Variants in COA1 observed in about 807,000 individuals in gnomAD.
The protein encoded by COA1 is cytochrome c oxidase assembly factor 1, also known as cytochrome c oxidase assembly factor 1 homolog.
In COA1, 13 loss-of-function variants were observed where a neutral mutation model predicts 16.0. That is an observed-to-expected ratio of 0.81 (90% CI 0.53 to 1.29). COA1 has a LOEUF of 1.29. Among genes scored for constraint, COA1 ranks in the 50% most tolerant of loss-of-function variants. The probability of loss-of-function intolerance (pLI) is 0.00; values close to 1 mark genes in which losing one functional copy is unlikely to be tolerated. For synonymous variants in COA1, 65 were observed against 65.7 expected (o/e 0.99, Z 0.05); for missense variants, 179 against 177.0 (o/e 1.01, Z -0.06).
At chr7:43,627,697 G>C (rs1415951966) in intron 6 of COA1, among the ~76,000 whole-genome samples, 5 of 152,158 alleles carry the variant, frequency 3.3e-5, no homozygotes, top group African/African-American at 1.2e-4. Flanking sequence ...TGAACACCTT[G>C]ATCTTAACCT....
intron 6 of COA1, among the ~76,000 whole-genome samples, chr7:43,619,288 TAGG>T (rs1314780192): frequency 1.3e-5 from 2 of 152,104 alleles, no homozygotes; most frequent in Non-Finnish European, 2.9e-5. Flanking sequence ...GAGGGAATAG[TAGG>T]AGCAAGCGTG....
intron 1 of COA1, among the ~76,000 whole-genome samples, chr7:43,716,594 T>A (rs1445272022): frequency 3.3e-5 from 5 of 152,074 alleles, no homozygotes; most frequent in African/African-American, 9.7e-5. Context: ...GTTCAGAAAA[T>A]TTACAGCCTG....
intron 1 of COA1, among the ~76,000 whole-genome samples, chr7:43,676,639 A>G (rs1267766310): frequency 6.6e-6 from 1 of 152,198 alleles, no homozygotes; most frequent in Non-Finnish European, 1.5e-5. Context: ...ATATAGTTTC[A>G]AACAGCAAAA....
Position 43,616,149 on chromosome 7 carries a change from G to T in COA1, c.*134-6654C>A, listed in dbSNP as rs2083321669. 5.3e-5 allele frequency among the ~76,000 whole-genome samples: 8 copies of T among 152,122 alleles called. 1 individual carries two copies. The South Asian group carries it at 1.7e-3, about 32-fold the overall frequency. On this transcript the variant is annotated intron_variant and NMD_transcript_variant, in intron 6 of 6. Coordinates refer to the COA1 transcript ENST00000415076. ...TGAGGAAATCTTTTTACCCTTCAGG[G>T]TCTGCTCACATATCTCCTCTGTAAT...
chr7:43,657,348 C>T (rs981842361), intron 1 of COA1: 6 of 152,236 alleles, frequency 3.9e-5, no homozygotes, highest in Admixed American at 2.0e-4. Flanking sequence ...GTGGAACTAT[C>T]TTCTCATACT....
chr7:43,658,032 A>T (rs1024934643), intron 1 of COA1, among the ~76,000 whole-genome samples: 7 of 152,078 alleles, frequency 4.6e-5, no homozygotes, highest in African/African-American at 1.4e-4. Context: ...GTCAAAAAAT[A>T]AAAATTAAAA....
chr7:43,664,175 C>T (rs1284809095), intron 1 of COA1, among the ~76,000 whole-genome samples: 1 of 145,152 alleles, frequency 6.9e-6, no homozygotes, highest in Non-Finnish European at 1.5e-5. Flanking sequence ...CTATTAACTG[C>T]TGTGATCATG....
intron 1 of COA1, among the ~76,000 whole-genome samples, chr7:43,704,842 AGCT>A (rs1465985976): frequency 2.6e-5 from 4 of 152,054 alleles, no homozygotes; most frequent in Non-Finnish European, 5.9e-5. Context: ...ATTGCTGGGG[AGCT>A]AGTGCAGTCG....
In COA1 at chr7:43,719,717, GACCCACATATTTC is replaced by G. The variant is rs372025818; in HGVS notation, c.-39+9699_-39+9711del. The stretch of plus-strand genomic sequence containing the variant: ...CCTGACTACTATGAAAATGTCCCCT[GACCCACATATTTC>G]AATATAGTATTAAGCCTTGTTTTCA... On this transcript the variant is annotated intron_variant, in intron 1 of 5. Coordinates refer to ENST00000223336, the MANE Select transcript of COA1 (RefSeq NM_018224.4). Among the ~76,000 whole-genome samples the G allele has an allele frequency of 2.7e-3, 414 of 152,264 alleles. 1 individual carries two copies. Among genetic ancestry groups the G allele is most frequent in the African/African-American group, 9.5e-3 (396 of 41,560 alleles).
intron 1 of COA1, among the ~76,000 whole-genome samples, chr7:43,661,307 T>C (rs1233038389): frequency 6.6e-6 from 1 of 152,124 alleles, no homozygotes; most frequent in African/African-American, 2.4e-5. Flanking sequence ...TGTTACTAGA[T>C]TTGTGGTAGG....
chr7:43,627,655 TTCTA>T (rs1424451814), intron 6 of COA1, among the ~76,000 whole-genome samples: 1 of 152,226 alleles, frequency 6.6e-6, no homozygotes, highest in Non-Finnish European at 1.5e-5. Context: ...ACCTCATCCA[TTCTA>T]TCTGTTGCGG....
At chr7:43,626,621 C>CAA (rs915549176) in intron 6 of COA1, 25 of 152,032 alleles carry the variant, frequency 1.6e-4, no homozygotes, top group African/African-American at 5.8e-4. Flanking sequence ...CAGTATTAGG[C>CAA]AAATATTTAT....
intron 1 of COA1, among the ~76,000 whole-genome samples, chr7:43,663,380 T>C (rs932839100): frequency 6.6e-6 from 1 of 152,112 alleles, no homozygotes; most frequent in African/African-American, 2.4e-5. Context: ...CTAATACAAG[T>C]CTAGTCTATG....
intron 1 of COA1, among the ~76,000 whole-genome samples, chr7:43,662,705 T>G (rs922896816): frequency 3.3e-5 from 5 of 152,266 alleles, no homozygotes; most frequent in African/African-American, 1.2e-4. Context: ...TAATGTTACC[T>G]GGGTTTATTT....
At chr7:43,636,562 T>G (rs1267825776), downstream of COA1, among the ~76,000 whole-genome samples, 1 of 152,238 alleles carries the variant, frequency 6.6e-6, no homozygotes, top group Non-Finnish European at 1.5e-5. Context: ...TTCTTGAGCA[T>G]TTCCCTGGCC....
At chr7:43,690,448 TAC>T (rs913292389) in intron 1 of COA1, among the ~76,000 whole-genome samples, 33 of 151,618 alleles carry the variant, frequency 2.2e-4, no homozygotes, top group East Asian at 3.9e-4. Flanking sequence ...CACACATATA[TAC>T]ACACACACAC....
At chr7:43,713,413 T>C (rs772819990) in intron 1 of COA1, among the ~76,000 whole-genome samples, 3 of 152,204 alleles carry the variant, frequency 2.0e-5, no homozygotes, top group Non-Finnish European at 2.9e-5. Context: ...TTCTGTGGAA[T>C]AGAATACCAG....
chr7:43,644,710 T>TTAGATGATAGA (rs1194512015), intron 4 of COA1, among the ~76,000 whole-genome samples: 24 of 56,848 alleles, frequency 4.2e-4, no homozygotes, highest in African/African-American at 1.5e-3. Flanking sequence ...GATAGATAGA[T>TTAGATGATAGA]TAGATAGATA....
In COA1 at chr7:43,702,561, T is replaced by A. The variant is rs140281994; in HGVS notation, c.-39+26868A>T. 2.2e-3 allele frequency among the ~76,000 whole-genome samples: 342 copies of A among 152,298 alleles called. 1 individual carries two copies. Among genetic ancestry groups the A allele is most frequent in the Non-Finnish European group, 4.1e-3 (280 of 68,008 alleles). On this transcript the variant is annotated intron_variant, in intron 1 of 5. Coordinates refer to ENST00000223336, the MANE Select transcript of COA1 (RefSeq NM_018224.4). ...CCAACTTTGTTCTTTCTGCTTAGGA[T>A]TGCTTTAGCCATTTTTGGGTTCAAT... is the stretch of plus-strand genomic sequence containing the variant.
Sources: allele counts gnomAD v4.1 joint callset (sites outside exome capture counted in the v4.1 genomes callset), GRCh38; gene constraint gnomAD v4.1.1; transcripts MANE v1.5; gene names NCBI Gene and HGNC (gene_info 2026-07-23, HGNC 2026-07-21).